The following CLCA4 variants were observed in gnomAD, a reference collection of about 807,000 sequenced individuals.
The protein encoded by CLCA4 is chloride channel accessory 4, also known as calcium-activated chloride channel regulator 4.
In CLCA4, 69 loss-of-function variants were observed where a neutral mutation model predicts 78.9. The observed-to-expected ratio is 0.87, with a 90% CI of 0.72 to 1.07. CLCA4 has a LOEUF of 1.07. Ranked by LOEUF, CLCA4 falls within the 50% of genes least tolerant of loss-of-function variation. The pLI is 0.00. For synonymous variants in CLCA4, 362 were observed against 375.8 expected (o/e 0.96, Z 0.42); for missense variants, 1,133 against 1,095.8 (o/e 1.03, Z -0.48).
At chr1:86,555,741 G>A (rs182417064) in intron 1 of CLCA4, among the ~76,000 whole-genome samples, 3 of 152,158 alleles carry the variant, frequency 2.0e-5, no homozygotes, top group African/African-American at 4.8e-5. Flanking sequence ...GAAAAATGTT[G>A]TTGCTAGTTT....
Position 86,579,397 on chromosome 1 carries a change from T to C in CLCA4, c.2166T>C (p.Asp722=). The change falls in exon 13 of 14, where the codon GAT becomes GAC. Residue 722 remains aspartate, a synonymous_variant. Transcript: ENST00000370563. The part of the protein sequence containing the change: ...ANPPRPEIDE[D]TQTTLEDFSR... ...CGCCAAGACCTGAAATTGATGAGGA[T>C]ACTCAGACCACCTTGGAGGATTTCA... The C allele has an allele frequency of 1.2e-6, 2 of 1,613,218 alleles. No individual in the cohort carries two copies. Among genetic ancestry groups the C allele is most frequent in the Non-Finnish European group, 1.7e-6 (2 of 1,179,486 alleles).
intron 1 of CLCA4, 118 bp from the exon 2 acceptor site, chr1:86,559,814 C>A: frequency 1.3e-6 from 1 of 745,336 alleles, no homozygotes; most frequent in South Asian, 1.8e-5. Flanking sequence ...AGAGACCCTA[C>A]TCATCAGTCT....
At chr1:86,572,977 T>C (rs1233463777) in intron 9 of CLCA4, 2 of 402,172 alleles carry the variant, frequency 5.0e-6, no homozygotes, top group East Asian at 9.8e-5. Context: ...GACATTACAA[T>C]GTTATAATGT....
chr1:86,576,653 C>G (rs1217984277), intron 11 of CLCA4, among the ~76,000 whole-genome samples: 1 of 152,036 alleles, frequency 6.6e-6, no homozygotes, highest in Non-Finnish European at 1.5e-5. Context: ...GCTTGGGTCT[C>G]TGGCAGGAAA....
chr1:86,561,606 C>T (rs1054022482), intron 3 of CLCA4, among the ~76,000 whole-genome samples: 13 of 152,184 alleles, frequency 8.5e-5, no homozygotes, highest in African/African-American at 3.1e-4. Context: ...TCCAGGCACT[C>T]TTCTCAATCC....
intron 1 of CLCA4, among the ~76,000 whole-genome samples, chr1:86,556,652 T>C (rs1649856259): frequency 6.6e-6 from 1 of 152,160 alleles, no homozygotes; most frequent in Non-Finnish European, 1.5e-5. Flanking sequence ...TTTTCTTTTT[T>C]TGTTGGGTCT....
At chr1:86,553,227 TC>T in intron 1 of CLCA4, 1 of 1,126,038 alleles carries the variant, frequency 8.9e-7, no homozygotes, top group Non-Finnish European at 1.3e-6. Context: ...CAGGGACATG[TC>T]CAAGAGGGAC....
intron 8 of CLCA4, 100 bp downstream of exon 8, chr1:86,571,354 T>A: frequency 8.3e-7 from 1 of 1,203,852 alleles, no homozygotes; most frequent in Non-Finnish European, 1.1e-6. Flanking sequence ...TTGGAGGCAC[T>A]GAAGCTGGGG....
chr1:86,564,808 T>TA (rs1650129248), intron 4 of CLCA4, among the ~76,000 whole-genome samples: 1 of 152,112 alleles, frequency 6.6e-6, no homozygotes, highest in East Asian at 1.9e-4. Context: ...TCCCTTTGGA[T>TA]AAAAATGCTC....
chr1:86,575,375 A>C lies in CLCA4; in HGVS notation c.1727A>C (p.Glu576Ala). ...AATCTTCAAGCCAAAGCGAACCCAGAAACATTAACTATTACAGTAACTTCT... is the reference window on the plus strand; with the variant it reads ...AATCTTCAAGCCAAAGCGAACCCAGCAACATTAACTATTACAGTAACTTCT... ...AYNLQAKANP[E>A]TLTITVTSRA... The change falls in exon 11 of 14, where the codon GAA (glutamate) becomes GCA (alanine). Residue 576 changes from glutamate (E) to alanine (A), a missense_variant. Transcript: ENST00000370563. 6.2e-7 allele frequency: 1 copy of C among 1,613,372 alleles called. No individual in the cohort carries two copies. Among genetic ancestry groups the C allele is most frequent in the South Asian group, 1.1e-5 (1 of 91,058 alleles).
Position 86,580,162 on chromosome 1 carries a change from C to A in CLCA4, c.2577C>A (p.Asn859Lys). 6.2e-7 allele frequency: 1 copy of A among 1,612,912 alleles called. No individual in the cohort carries two copies. Residue 859 changes from asparagine to lysine, a missense_variant, in exon 14 of 14, where the codon AAC (asparagine) becomes AAA (lysine). Physicochemically the swap from Asn to Lys is moderately conservative, Grantham distance 94 (BLOSUM62 0). Coordinates refer to ENST00000370563, the MANE Select transcript of CLCA4 (RefSeq NM_012128.4). ...GCAATTTGACATCAAAAGTATCCAA[C>A]ATTGCACAAGTAACTTTGTTTATCC... ...DKSNLTSKVS[N>K]IAQVTLFIPQ...
chr1:86,576,004 A>G (rs1376420580), intron 11 of CLCA4, among the ~76,000 whole-genome samples: 1 of 151,998 alleles, frequency 6.6e-6, no homozygotes, highest in Non-Finnish European at 1.5e-5. Context: ...AGGACAGAGG[A>G]TCACTTGAAC....
chr1:86,548,836 G>A (rs893184383), intron 1 of CLCA4, among the ~76,000 whole-genome samples: 1 of 152,074 alleles, frequency 6.6e-6, no homozygotes, highest in Non-Finnish European at 1.5e-5. Context: ...TATGGTAATG[G>A]GCAGAGGGAG....
chr1:86,561,033 C>T (rs954164081), intron 3 of CLCA4, among the ~76,000 whole-genome samples: 2 of 152,196 alleles, frequency 1.3e-5, no homozygotes, highest in African/African-American at 2.4e-5. Context: ...TTGCTGAATC[C>T]GCATACCCCA....
In CLCA4 at chr1:86,577,897, A is replaced by G. The variant is rs534986330; in HGVS notation, c.1952-5A>G. 7 of 1,606,200 alleles carry G rather than the reference A, an allele frequency of 4.4e-6. No homozygotes were observed. The South Asian group carries it at 7.8e-5, about 18-fold the overall frequency. On this transcript the variant is annotated splice_region_variant and splice_polypyrimidine_tract_variant and intron_variant, in intron 11 of 13. Transcript: ENST00000370563. ...AAGACTTTATTCCTTCATTTCTATA[A>G]CAAGGCGCTGATTCTTTCAAGAATG...
chr1:86,579,105 A>G (rs56145434), intron 12 of CLCA4, among the ~76,000 whole-genome samples: 3,888 of 152,144 alleles, frequency 0.026, 65 homozygotes, highest in South Asian at 0.065. Flanking sequence ...ACATTGAATT[A>G]TATAATATTT....
In CLCA4 at chr1:86,560,269, A is replaced by G; in HGVS notation, c.359A>G (p.Gln120Arg). 8.1e-6 allele frequency: 13 copies of G among 1,614,102 alleles called. No individual in the cohort carries two copies. Among genetic ancestry groups the G allele is most frequent in the Non-Finnish European group, 1.1e-5 (13 of 1,179,930 alleles). The change falls in exon 3 of 14, where the codon CAG (glutamine) becomes CGG (arginine). Residue 120 changes from glutamine (Q) to arginine (R), a missense_variant. Physicochemically the swap from Gln to Arg is conservative, Grantham distance 43. Transcript: ENST00000370563. ...GGTAGAGATGAACCATACACCAAGC[A>G]GTTCACAGAATGTGGAGAGAAAGGC... is the stretch of plus-strand genomic sequence containing the variant. ...LPGRDEPYTK[Q>R]FTECGEKGEY... is the part of the protein sequence containing the mutation.
chr1:86,552,040 C>A (rs183912295), intron 1 of CLCA4, among the ~76,000 whole-genome samples: 69 of 152,022 alleles, frequency 4.5e-4, no homozygotes, highest in African/African-American at 1.6e-3. Context: ...CGTAGTGATG[C>A]CCACTGCAAA....
chr1:86,553,015 C>A, intron 1 of CLCA4: 1 of 624,012 alleles, frequency 1.6e-6, no homozygotes, highest in Admixed American at 2.7e-5. Context: ...AGAGGCAGGA[C>A]GTGCCCCCTC....
Sources: allele counts gnomAD v4.1 joint callset (sites outside exome capture counted in the v4.1 genomes callset), GRCh38; gene constraint gnomAD v4.1.1; transcripts MANE v1.5; gene names NCBI Gene and HGNC (gene_info 2026-07-23, HGNC 2026-07-21).